The following LRRC71 variants were observed in gnomAD, a reference collection of about 807,000 sequenced individuals.
The protein encoded by LRRC71 is leucine-rich repeat-containing protein 71.
In LRRC71, 54 loss-of-function variants were observed where a neutral mutation model predicts 66.6. The observed-to-expected ratio is 0.81, with a 90% CI of 0.65 to 1.02. The LOEUF (loss-of-function observed/expected upper bound fraction) is 1.02. Ranked by LOEUF, LRRC71 falls within the 50% of genes least tolerant of loss-of-function variation. The pLI is 0.00. For missense variants in LRRC71, 724 were observed against 718.0 expected, an observed-to-expected ratio of 1.01 and a Z score of -0.10; for synonymous variants, 323 against 303.9, an observed-to-expected ratio of 1.06 and a Z score of -0.65.
At chr1:156,937,191 A>T (rs1655606853), downstream of LRRC71, 1 of 1,607,182 alleles carries the variant, frequency 6.2e-7, no homozygotes, top group Non-Finnish European at 8.5e-7. Context: ...ACTCATGGGG[A>T]ATGGTTTTGG....
At chr1:156,937,726 T>C (rs1384128316), downstream of LRRC71, among the ~76,000 whole-genome samples, 1 of 152,208 alleles carries the variant, frequency 6.6e-6, no homozygotes, top group East Asian at 1.9e-4. Context: ...GGGGAGATGC[T>C]GAGCGATGAA....
chr1:156,925,545 G>A (rs1653064315), intron 5 of LRRC71, among the ~76,000 whole-genome samples: 2 of 152,240 alleles, frequency 1.3e-5, no homozygotes, highest in Admixed American at 6.5e-5. Flanking sequence ...CCTGGAGGAG[G>A]TGGTACTGAG....
chr1:156,920,725 C>T lies in LRRC71; in HGVS notation c.-79C>T, dbSNP rs932759548. 3 of 1,393,990 alleles carry T rather than the reference C, an allele frequency of 2.2e-6. No individual in the cohort carries two copies. The highest frequency in any genetic ancestry group is 2.6e-4 in the Middle Eastern group (1 of 3,804). 86.4% of individuals were successfully genotyped at this position (1,393,990 alleles called of 1,614,324 possible). On this transcript the variant is annotated 5_prime_UTR_variant, in exon 1 of 15. Coordinates refer to ENST00000337428, the MANE Select transcript of LRRC71 (RefSeq NM_144702.3). The surrounding 1 kb of genome is among the most constrained non-coding windows in gnomAD (Gnocchi z 4.9). ...ACAGAGATCCCCTGATTCAGCCACC[C>T]CCAGACTGAGCCCCGTAGAGTGCGT... is the stretch of plus-strand genomic sequence containing the variant.
At chr1:156,922,602 T>TAC (rs1652557826) in intron 1 of LRRC71, among the ~76,000 whole-genome samples, 2 of 152,056 alleles carry the variant, frequency 1.3e-5, no homozygotes, top group Non-Finnish European at 2.9e-5. Flanking sequence ...CAGGTAACTA[T>TAC]CTGCTAAAGT....
downstream of LRRC71, chr1:156,936,685 A>G: frequency 9.2e-7 from 1 of 1,083,696 alleles, no homozygotes; most frequent in East Asian, 2.4e-5. Flanking sequence ...AAGCTGAGAG[A>G]ATGAACTCGT....
At position 156,929,840 on chromosome 1, in the gene LRRC71, C is replaced by T. The variant is rs1307626058; in HGVS notation, c.1240+111C>T. 13 of 827,246 alleles carry T rather than the reference C, an allele frequency of 1.6e-5. 1 individual carries two copies. Among genetic ancestry groups the T allele is most frequent in the South Asian group, 5.4e-5 (3 of 55,918 alleles). 51.2% of individuals were successfully genotyped at this position (827,246 alleles called of 1,614,324 possible). A position where few individuals can be genotyped will look rare whatever the true frequency, so the allele number is the denominator to read the frequency against. Reference sequence around the variant, plus strand: ...GGGTGCGCCTGCCTGGAGCTCATCTCGCCATGCCCCTCTGGGCTTGATTTC... The same window carrying T: ...GGGTGCGCCTGCCTGGAGCTCATCTTGCCATGCCCCTCTGGGCTTGATTTC... On this transcript the variant is annotated intron_variant, in intron 11 of 14. Coordinates refer to ENST00000337428, the MANE Select transcript of LRRC71 (RefSeq NM_144702.3).
downstream of LRRC71, among the ~76,000 whole-genome samples, chr1:156,934,394 G>A (rs1172255728): frequency 1.3e-5 from 2 of 152,152 alleles, no homozygotes; most frequent in Admixed American, 1.3e-4. Flanking sequence ...GATGGATGAT[G>A]ACAGTGATGA....
At chr1:156,929,569 C>CT in intron 10 of LRRC71, 67 bp from the exon 11 acceptor site, 1 of 1,535,272 alleles carries the variant, frequency 6.5e-7, no homozygotes, top group Non-Finnish European at 8.8e-7. Flanking sequence ...ACCTGGGCTC[C>CT]TTCCCTCACC....
the LRRC71 span, chr1:156,940,136 G>A: frequency 6.7e-7 from 1 of 1,493,704 alleles, no homozygotes; most frequent in Non-Finnish European, 9.0e-7. Context: ...GGAGGGTGCA[G>A]GCGCCTGCCA....
chr1:156,928,363 C>CTCTTCCTCTTCTTCT (rs1553188852), intron 9 of LRRC71, among the ~76,000 whole-genome samples: 1 of 98,784 alleles, frequency 1.0e-5, no homozygotes, highest in Non-Finnish European at 1.8e-5. Flanking sequence ...CTTCTTCTTC[C>CTCTTCCTCTTCTTCT]TCTTCTTCTT....
chr1:156,921,754 C>G (rs542795177), intron 1 of LRRC71: 2 of 501,608 alleles, frequency 4.0e-6, no homozygotes, highest in Middle Eastern at 1.0e-3. Flanking sequence ...CACACACACA[C>G]ACACACACAG....
At chr1:156,939,730 G>C in the LRRC71 span, 1 of 1,614,110 alleles carries the variant, frequency 6.2e-7, no homozygotes, top group Non-Finnish European at 8.5e-7. Flanking sequence ...TGCAAGCTGG[G>C]TGTTGTCCCC....
At chr1:156,928,363 C>CTCCTCTTCT (rs1440279180) in intron 9 of LRRC71, among the ~76,000 whole-genome samples, 11 of 98,818 alleles carry the variant, frequency 1.1e-4, no homozygotes, top group African/African-American at 1.1e-4. Context: ...CTTCTTCTTC[C>CTCCTCTTCT]TCTTCTTCTT....
chr1:156,938,406 G>T, the LRRC71 span: 2 of 1,611,248 alleles, frequency 1.2e-6, no homozygotes, highest in African/African-American at 2.7e-5. Context: ...GCTCCAAGGA[G>T]AAAGTTATTA....
At chr1:156,933,883 G>A (rs189168626), downstream of LRRC71, among the ~76,000 whole-genome samples, 3 of 152,256 alleles carry the variant, frequency 2.0e-5, no homozygotes, top group African/African-American at 7.2e-5. Context: ...TCATCCCACT[G>A]CCTCTGCCTA....
chr1:156,936,493 A>ATATAT (rs1481502478), downstream of LRRC71, among the ~76,000 whole-genome samples: 150 of 62,336 alleles, frequency 2.4e-3, no homozygotes, highest in East Asian at 5.5e-3. Flanking sequence ...AAAAAAAAAA[A>ATATAT]AAAAATATAT....
rs985264311 is a variant in LRRC71 at position 156,927,999 on chromosome 1, C to T, written c.991C>T (p.Arg331Ter). Residue 331 changes from arginine to a stop codon, truncating the protein, a stop_gained, in exon 9 of 15, where the codon CGA becomes TGA. Coordinates refer to ENST00000337428, the MANE Select transcript of LRRC71 (RefSeq NM_144702.3). LOFTEE classifies it high-confidence loss of function. Reference sequence around the variant, plus strand: ...GGAAAAAGGGACACAGGAGCGCTCGCGATCGGTGAGGAGCTACCAGGCCCC... The same window carrying T: ...GGAAAAAGGGACACAGGAGCGCTCGTGATCGGTGAGGAGCTACCAGGCCCC... ...LLEKGTQERS[R>*]SPSSSRHGDS... The T allele has an allele frequency of 6.3e-7, 1 of 1,598,450 alleles. No homozygotes were observed. The highest frequency in any genetic ancestry group is 8.5e-7 in the Non-Finnish European group (1 of 1,173,966).
chr1:156,935,407 T>G (rs987220714), downstream of LRRC71: 9 of 152,202 alleles, frequency 5.9e-5, no homozygotes, highest in African/African-American at 2.2e-4. Context: ...GGTTGTTAAC[T>G]AAGGAGATAC....
the LRRC71 span, chr1:156,940,567 C>G: frequency 1.5e-6 from 1 of 650,790 alleles, no homozygotes; most frequent in East Asian, 2.9e-5. Context: ...ATGGCCAGCA[C>G]TGTCCCAGGC....
Sources: gnomAD v4.1 joint callset for allele counts (sites outside exome capture counted in the v4.1 genomes callset) on GRCh38, gnomAD v4.1.1 for gene constraint, Gnocchi (gnomAD v3.1) non-coding constraint, MANE v1.5 for transcripts, NCBI Gene and HGNC (gene_info 2026-07-23, HGNC 2026-07-21) for gene names.